The following CPED1 variants were observed in gnomAD, a reference collection of about 807,000 sequenced individuals.
CPED1 encodes the protein cadherin-like and PC-esterase domain-containing protein 1.
Under a neutral mutation model 128.2 loss-of-function variants are expected in CPED1, and 114 were observed. That is an observed-to-expected ratio of 0.89 (90% confidence interval 0.76 to 1.04). The LOEUF (loss-of-function observed/expected upper bound fraction) is 1.04. Ranked by LOEUF, CPED1 falls within the 50% of genes least tolerant of loss-of-function variation. The probability of loss-of-function intolerance (pLI) is 0.00; values close to 1 mark genes in which losing one functional copy is unlikely to be tolerated. For synonymous variants in CPED1, 462 were observed against 426.7 expected, an observed-to-expected ratio of 1.08 and a Z score of -1.02; for missense variants, 1,211 against 1,207.1, an observed-to-expected ratio of 1.00 and a Z score of -0.05.
chr7:121,093,401 C>T lies in CPED1; in HGVS notation c.617-4298C>T, dbSNP rs188230940. ...TAATATTGCTCCCTTTTTCTGTACA[C>T]ACACACACACACACACACACACACA... is the stretch of plus-strand genomic sequence containing the variant. On this transcript the variant is annotated intron_variant, in intron 5 of 22. Transcript: ENST00000310396. 4.7e-5 allele frequency among the ~76,000 whole-genome samples: 7 copies of T among 148,840 alleles called. No homozygotes were observed. The East Asian group carries it at 1.2e-3, about 25-fold the overall frequency.
chr7:121,276,879 A>G (rs1792341139), intron 22 of CPED1, among the ~76,000 whole-genome samples: 1 of 152,184 alleles, frequency 6.6e-6, no homozygotes, highest in African/African-American at 2.4e-5. Flanking sequence ...ATGATCCTGT[A>G]GGTGATGGAG....
intron 16 of CPED1, among the ~76,000 whole-genome samples, chr7:121,211,384 C>T (rs1223803277): frequency 1.3e-5 from 2 of 152,034 alleles, no homozygotes; most frequent in East Asian, 1.9e-4. Flanking sequence ...TTGAAATTAG[C>T]GAAGTCAGTG....
chr7:121,248,128 G>T (rs1273327578), intron 18 of CPED1, among the ~76,000 whole-genome samples: 1 of 152,176 alleles, frequency 6.6e-6, no homozygotes, highest in Non-Finnish European at 1.5e-5. Context: ...AGGCTGCAGT[G>T]TGCAGCTCAA....
chr7:121,120,989 A>C (rs1012820502), intron 7 of CPED1, among the ~76,000 whole-genome samples: 3 of 131,620 alleles, frequency 2.3e-5, no homozygotes, highest in Non-Finnish European at 3.2e-5. Flanking sequence ...AAAAAAAAAC[A>C]AAAAAACTCA....
chr7:121,169,847 T>C (rs1157403023), intron 16 of CPED1, among the ~76,000 whole-genome samples: 1 of 152,186 alleles, frequency 6.6e-6, no homozygotes, highest in African/African-American at 2.4e-5. Context: ...CATTCAAATA[T>C]TTTTTACGTT....
rs142695861 is a variant in CPED1, at chr7:121,011,532, T to A, written c.250-4133T>A. Among the ~76,000 whole-genome samples, 683 of 152,298 alleles carry A rather than the reference T, an allele frequency of 4.5e-3. 5 individuals are homozygous for A. Among genetic ancestry groups the A allele is most frequent in the African/African-American group, 0.015 (643 of 41,578 alleles). Reference sequence around the variant, plus strand: ...TCTACACATTGAAGGAAAAGATGTTTGTATTCACTCATTCAAAGAATATTT... The same window carrying A: ...TCTACACATTGAAGGAAAAGATGTTAGTATTCACTCATTCAAAGAATATTT... On this transcript the variant is annotated intron_variant, in intron 2 of 22. Coordinates refer to ENST00000310396, the MANE Select transcript of CPED1 (RefSeq NM_024913.5).
At chr7:121,037,870 C>T (rs774274024) in intron 3 of CPED1, among the ~76,000 whole-genome samples, 4 of 151,736 alleles carry the variant, frequency 2.6e-5, no homozygotes, top group Non-Finnish European at 4.4e-5. Context: ...TTAGGTATAT[C>T]CCTGAGTATT....
At chr7:121,025,120 C>T (rs1369501003) in intron 3 of CPED1, among the ~76,000 whole-genome samples, 1 of 151,984 alleles carries the variant, frequency 6.6e-6, no homozygotes, top group African/African-American at 2.4e-5. Context: ...CTTGATGTTT[C>T]CCAAAATAAT....
rs1792281661 is a variant in CPED1, at chr7:121,015,654, T to C, written c.250-11T>C. The C allele has an allele frequency of 6.3e-7, 1 of 1,592,358 alleles. No individual in the cohort carries two copies. The highest frequency in any genetic ancestry group is 8.5e-7 in the Non-Finnish European group (1 of 1,172,806). On this transcript the variant is annotated splice_polypyrimidine_tract_variant and intron_variant, in intron 2 of 22. Transcript: ENST00000310396. ...TTTTTTATATTGAATTTTTATGCCTTCTTTTCTTAGGTCAAAGAATCAATG... is the reference window on the plus strand; with the variant it reads ...TTTTTTATATTGAATTTTTATGCCTCCTTTTCTTAGGTCAAAGAATCAATG...
In CPED1 at chr7:121,142,002, T is replaced by C; in HGVS notation, c.1916T>C (p.Met639Thr). ...GCCAGCTACCCTCTGGGCTTAGGAA[T>C]GAACAAAATCTCAATATTTGTTGTG... ...SFASYPLGLG[M>T]NKISIFVVDE... The change falls in exon 16 of 23, where the codon ATG (methionine) becomes ACG (threonine). Residue 639 changes from methionine (M) to threonine (T), a missense_variant. Met to Thr is a moderately conservative substitution (Grantham distance 81, BLOSUM62 -1). Coordinates refer to ENST00000310396, the MANE Select transcript of CPED1 (RefSeq NM_024913.5). 6.2e-7 allele frequency: 1 copy of C among 1,612,612 alleles called. No homozygotes were observed. The highest frequency in any genetic ancestry group is 8.5e-7 in the Non-Finnish European group (1 of 1,178,984).
chr7:121,167,690 A>G (rs1796562629), intron 16 of CPED1, among the ~76,000 whole-genome samples: 1 of 151,390 alleles, frequency 6.6e-6, no homozygotes, highest in Non-Finnish European at 1.5e-5. Context: ...GAAAACTACT[A>G]GAACCCATTA....
At chr7:121,275,762 G>C (rs1248014425) in intron 22 of CPED1, among the ~76,000 whole-genome samples, 1 of 151,704 alleles carries the variant, frequency 6.6e-6, no homozygotes, top group Non-Finnish European at 1.5e-5. Flanking sequence ...TGTCAGAGAT[G>C]GTTTTCCACT....
intron 22 of CPED1, among the ~76,000 whole-genome samples, chr7:121,276,130 G>A (rs1337969993): frequency 2.0e-5 from 3 of 152,114 alleles, no homozygotes; most frequent in African/African-American, 7.2e-5. Flanking sequence ...CTGCTGTAAA[G>A]TGAGTTAGAA....
At chr7:121,230,481 C>T (rs956843814) in intron 16 of CPED1, among the ~76,000 whole-genome samples, 1 of 151,864 alleles carries the variant, frequency 6.6e-6, no homozygotes, top group Admixed American at 6.6e-5. Context: ...AATAAAAAGT[C>T]CAGAATTAGA....
chr7:121,217,897 G>T (rs1222527735), intron 16 of CPED1, among the ~76,000 whole-genome samples: 1 of 152,004 alleles, frequency 6.6e-6, no homozygotes, highest in Non-Finnish European at 1.5e-5. Flanking sequence ...GTACCTGTGT[G>T]TGTGCCTGTG....
At chr7:121,117,708 T>C (rs1169604975) in intron 7 of CPED1, among the ~76,000 whole-genome samples, 1 of 152,138 alleles carries the variant, frequency 6.6e-6, no homozygotes, top group Non-Finnish European at 1.5e-5. Context: ...CAGAGGCACA[T>C]GGACAATTTT....
At chr7:121,087,071 TAAAC>T (rs978390983) in intron 5 of CPED1, among the ~76,000 whole-genome samples, 3 of 152,146 alleles carry the variant, frequency 2.0e-5, no homozygotes, top group African/African-American at 4.8e-5. Flanking sequence ...AGTAAATAAA[TAAAC>T]AAATTAAAAC....
chr7:121,023,980 G>A (rs1374845474), intron 3 of CPED1, among the ~76,000 whole-genome samples: 1 of 152,112 alleles, frequency 6.6e-6, no homozygotes, highest in African/African-American at 2.4e-5. Context: ...TATCAGAAGT[G>A]CTTCTGTACT....
intron 3 of CPED1, among the ~76,000 whole-genome samples, chr7:121,046,156 C>A (rs1345088154): frequency 6.6e-6 from 1 of 151,908 alleles, no homozygotes; most frequent in Non-Finnish European, 1.5e-5. Flanking sequence ...AAGAATGTAC[C>A]CTTCTGAGAT....
Sources: gnomAD v4.1 joint callset for allele counts (sites outside exome capture counted in the v4.1 genomes callset) on GRCh38, gnomAD v4.1.1 for gene constraint, MANE v1.5 for transcripts, NCBI Gene and HGNC (gene_info 2026-07-23, HGNC 2026-07-21) for gene names.